The following ANO10 variants were observed in gnomAD, a reference collection of about 807,000 sequenced individuals.
ANO10 encodes anoctamin-10.
In ANO10, 77 loss-of-function variants were observed where a neutral mutation model predicts 74.7. The ratio of observed to expected loss-of-function variants is 1.03; its 90% CI spans 0.86 to 1.25. The LOEUF is 1.25. Ranked by LOEUF, ANO10 falls within the 50% of genes most tolerant of loss-of-function variation. The pLI, the probability that ANO10 is intolerant of heterozygous loss-of-function variation, is 0.00. For missense variants in ANO10, 721 were observed against 778.1 expected, an observed-to-expected ratio of 0.93 and a Z score of 0.87; for synonymous variants, 279 against 284.9, an observed-to-expected ratio of 0.98 and a Z score of 0.21.
At chr3:43,545,443 G>T (rs756161532) in intron 11 of ANO10, among the ~76,000 whole-genome samples, 1 of 151,934 alleles carries the variant, frequency 6.6e-6, no homozygotes, top group Admixed American at 6.5e-5. Flanking sequence ...GCGCAATCTC[G>T]GCTTACCATA....
intron 12 of ANO10, among the ~76,000 whole-genome samples, chr3:43,425,550 T>C (rs2092887244): frequency 6.6e-6 from 1 of 152,108 alleles, no homozygotes; most frequent in South Asian, 2.1e-4. Context: ...GAAAGCTGAA[T>C]TCTCAGCCAT....
chr3:43,547,456 C>CGG (rs2079247965), intron 11 of ANO10, among the ~76,000 whole-genome samples: 1 of 152,172 alleles, frequency 6.6e-6, no homozygotes, highest in Non-Finnish European at 1.5e-5. Context: ...TATGATCCCC[C>CGG]TGAAACCTGC....
chr3:43,507,195 A>G (rs2077328326), intron 11 of ANO10, among the ~76,000 whole-genome samples: 1 of 152,226 alleles, frequency 6.6e-6, no homozygotes, highest in South Asian at 2.1e-4. Flanking sequence ...GTATCCATAC[A>G]GCAAGGAAAG....
chr3:43,687,098 TC>T (rs1218597732), intron 1 of ANO10, among the ~76,000 whole-genome samples: 1 of 152,096 alleles, frequency 6.6e-6, no homozygotes, highest in African/African-American at 2.4e-5. Flanking sequence ...CCTGTGTCCT[TC>T]TTATTATCTC....
chr3:43,523,074 G>C (rs969767220), intron 11 of ANO10, among the ~76,000 whole-genome samples: 1 of 152,164 alleles, frequency 6.6e-6, no homozygotes, highest in Non-Finnish European at 1.5e-5. Flanking sequence ...ACAGGAAAGA[G>C]GTTTATGTGT....
At position 43,589,214 on chromosome 3, in the gene ANO10, AT is replaced by A. The variant is rs72392936; in HGVS notation, c.473-8743del. On this transcript the variant is annotated intron_variant, in intron 4 of 12. Coordinates refer to ENST00000292246, the MANE Select transcript of ANO10 (RefSeq NM_018075.5). The stretch of plus-strand genomic sequence containing the variant: ...TGCCATATTTATAATGTCAGGGGTT[AT>A]AAAAAAATAGTCTTCACAGATGTCA... Among the ~76,000 whole-genome samples the A allele has an allele frequency of 4.1e-3, 603 of 145,638 alleles. 1 individual carries two copies. Among genetic ancestry groups the A allele is most frequent in the African/African-American group, 0.014 (563 of 40,704 alleles).
intron 1 of ANO10, among the ~76,000 whole-genome samples, chr3:43,665,372 G>C (rs547318250): frequency 2.6e-5 from 4 of 152,058 alleles, no homozygotes; most frequent in African/African-American, 7.2e-5. Context: ...CAGGGCCTGT[G>C]GGGGGTGGGC....
intron 7 of ANO10, among the ~76,000 whole-genome samples, chr3:43,567,878 C>T (rs1467040652): frequency 2.6e-5 from 4 of 152,096 alleles, no homozygotes; most frequent in Non-Finnish European, 4.4e-5. Flanking sequence ...AATTAAAAGA[C>T]ACAGACGGGC....
chr3:43,406,623 C>G (rs1014970971), intron 12 of ANO10, among the ~76,000 whole-genome samples: 2 of 152,180 alleles, frequency 1.3e-5, no homozygotes, highest in African/African-American at 4.8e-5. Flanking sequence ...CATGACAAAG[C>G]ATGCAGAACT....
intron 12 of ANO10, among the ~76,000 whole-genome samples, chr3:43,382,385 A>G (rs892103397): frequency 6.0e-5 from 9 of 150,938 alleles, no homozygotes; most frequent in African/African-American, 2.0e-4. Flanking sequence ...CGGGCGTGGT[A>G]GCGGGCGCCT....
chr3:43,569,161 C>A (rs1185062101), intron 7 of ANO10, among the ~76,000 whole-genome samples: 1 of 148,414 alleles, frequency 6.7e-6, no homozygotes, highest in African/African-American at 2.5e-5. Context: ...CTGAATAGAC[C>A]AATAACAGGA....
At chr3:43,529,054 T>C (rs924269782) in intron 11 of ANO10, among the ~76,000 whole-genome samples, 31 of 152,176 alleles carry the variant, frequency 2.0e-4, no homozygotes, top group Non-Finnish European at 1.5e-4. Flanking sequence ...AAAGGGCCCA[T>C]GTGTATCTGT....
chr3:43,588,813 A>G (rs1309722788), intron 4 of ANO10, among the ~76,000 whole-genome samples: 1 of 152,222 alleles, frequency 6.6e-6, no homozygotes, highest in African/African-American at 2.4e-5. Flanking sequence ...ATAAAAATCT[A>G]TCCAAGATCT....
At chr3:43,432,520 G>T (rs2092998321) in intron 12 of ANO10, 91 bp downstream of exon 12, 2 of 1,175,870 alleles carry the variant, frequency 1.7e-6, no homozygotes, top group East Asian at 4.7e-5. Context: ...TAACTTCAAG[G>T]CTGAAAAAAA....
chr3:43,538,680 C>A (rs1395693179), intron 11 of ANO10, among the ~76,000 whole-genome samples: 2 of 152,104 alleles, frequency 1.3e-5, no homozygotes, highest in Non-Finnish European at 2.9e-5. Flanking sequence ...TCCAGCTGGT[C>A]TTTTGGACTT....
chr3:43,660,777 A>C (rs1207086592), intron 1 of ANO10, among the ~76,000 whole-genome samples: 2 of 152,146 alleles, frequency 1.3e-5, no homozygotes, highest in Non-Finnish European at 2.9e-5. Flanking sequence ...CAACATGGAG[A>C]AACCCTGTCT....
chr3:43,524,312 G>T (rs2078095190), intron 11 of ANO10, among the ~76,000 whole-genome samples: 1 of 3,062 alleles, frequency 3.3e-4, no homozygotes, highest in Non-Finnish European at 6.2e-3. Flanking sequence ...AATATTCAAA[G>T]AAAATTTTAG....
intron 12 of ANO10, among the ~76,000 whole-genome samples, chr3:43,398,138 G>T (rs2092415803): frequency 6.6e-6 from 1 of 152,204 alleles, no homozygotes; most frequent in African/African-American, 2.4e-5. Context: ...GGACTCCACA[G>T]TTGTCTCCCA....
chr3:43,494,099 G>C (rs2076828031), intron 11 of ANO10, among the ~76,000 whole-genome samples: 1 of 152,228 alleles, frequency 6.6e-6, no homozygotes, highest in African/African-American at 2.4e-5. Flanking sequence ...GACTAAGACA[G>C]AGATGTTTTC....
Sources: allele counts gnomAD v4.1 joint callset (sites outside exome capture counted in the v4.1 genomes callset), GRCh38; gene constraint gnomAD v4.1.1; transcripts MANE v1.5; gene names NCBI Gene and HGNC (gene_info 2026-07-23, HGNC 2026-07-21).